The following UBE2E1 variants were observed in gnomAD, a reference collection of about 807,000 sequenced individuals.
The protein encoded by UBE2E1 is ubiquitin conjugating enzyme E2 E1, also known as ubiquitin-conjugating enzyme E2 E1.
UBE2E1 carries 6 observed loss-of-function variants against 21.4 expected under a neutral mutation model. That is an observed-to-expected ratio of 0.28 (90% CI 0.15 to 0.55). UBE2E1 has a LOEUF of 0.55. Among genes scored for constraint, UBE2E1 ranks in the 20% least tolerant of loss-of-function variants. UBE2E1 has a pLI of 0.93. For missense variants in UBE2E1, 142 were observed against 236.5 expected (o/e 0.60, Z 2.62); for synonymous variants, 87 against 82.7 (o/e 1.05, Z -0.28).
rs145101044 is a variant in UBE2E1 at position 23,853,899 on chromosome 3, G to C, written c.204-33668G>C. 7.4e-3 allele frequency among the ~76,000 whole-genome samples: 1,121 copies of C among 152,238 alleles called. 15 individuals carry two copies. Among genetic ancestry groups the C allele is most frequent in the African/African-American group, 0.025 (1,046 of 41,536 alleles). On this transcript the variant is annotated intron_variant, in intron 3 of 5. Coordinates refer to ENST00000306627, the MANE Select transcript of UBE2E1 (RefSeq NM_003341.5). The surrounding 1 kb of genome is among the most constrained non-coding windows in gnomAD (Gnocchi z 4.1). ...TTATAATAATTCGTTTTATCCACAT[G>C]GTTCAAGTGGGTCTTTTTTTACCCT... is the stretch of plus-strand genomic sequence containing the variant.
In UBE2E1 at chr3:23,807,375, G is replaced by C. The variant is rs1469644993; in HGVS notation, c.106G>C (p.Val36Leu). 1.2e-6 allele frequency: 2 copies of C among 1,613,742 alleles called. No homozygotes were observed. The highest frequency in any genetic ancestry group is 4.5e-5 in the East Asian group (2 of 44,852). ...CACCCCCAAGAAGAAGGAGAGTAAA[G>C]TCAGCATGAGCAAAAACTCCAAACT... is the stretch of plus-strand genomic sequence containing the variant. ...TNTPKKKESKVSMSKNSKLLS... is the reference protein window; with the variant it reads ...TNTPKKKESKLSMSKNSKLLS... Residue 36 changes from valine to leucine, a missense_variant, in exon 2 of 6, where the codon GTC (valine) becomes CTC (leucine). This residue lies in a region of UBE2E1 where 55 missense variants were observed against 51.5 expected (regional missense o/e 1.07). Transcript: ENST00000306627.
chr3:23,837,961 T>C (rs540068855), intron 3 of UBE2E1, among the ~76,000 whole-genome samples: 1 of 152,348 alleles, frequency 6.6e-6, no homozygotes, highest in East Asian at 1.9e-4. Flanking sequence ...TTGATACTTT[T>C]AAGGCTCTGC....
intron 3 of UBE2E1, among the ~76,000 whole-genome samples, chr3:23,865,120 C>G (rs1700627326): frequency 6.6e-6 from 1 of 152,238 alleles, no homozygotes; most frequent in African/African-American, 2.4e-5. Flanking sequence ...GCTGAGCCCT[C>G]TGCTCAGGGT....
intron 4 of UBE2E1, among the ~76,000 whole-genome samples, chr3:23,888,545 C>T (rs184284454): frequency 4.7e-4 from 72 of 152,236 alleles, no homozygotes; most frequent in African/African-American, 1.6e-3. Flanking sequence ...GCTCTGCATC[C>T]ATGGACACTC....
At chr3:23,819,547 T>A (rs1699601333) in intron 3 of UBE2E1, among the ~76,000 whole-genome samples, 1 of 152,176 alleles carries the variant, frequency 6.6e-6, no homozygotes, top group Non-Finnish European at 1.5e-5. Flanking sequence ...CAGCAGACTT[T>A]AAGTTCCTCG....
chr3:23,853,607 A>T lies in UBE2E1; in HGVS notation c.204-33960A>T, dbSNP rs188523509. Among the ~76,000 whole-genome samples the T allele has an allele frequency of 1.3e-5, 2 of 152,188 alleles. No individual in the cohort carries two copies. Among genetic ancestry groups the T allele is most frequent in the Non-Finnish European group, 2.9e-5 (2 of 68,012 alleles). ...TTAGGTCTCTTCATTTCTGTTCACA[A>T]TTCAGTCTTTAAATGCATATAGGAG... On this transcript the variant is annotated intron_variant, in intron 3 of 5. Transcript: ENST00000306627. The surrounding 1 kb of genome is among the most constrained non-coding windows in gnomAD (Gnocchi z 4.1).
rs956993181 is a variant in UBE2E1, at chr3:23,842,888, G to A, written c.203+31378G>A. On this transcript the variant is annotated intron_variant, in intron 3 of 5. Transcript: ENST00000306627. This position sits in a 1 kb window ranked among gnomAD's most constrained non-coding sequence, Gnocchi z 4.6. ...TGTAATCTAACTATAACCTCTGAGG[G>A]CAAGGGCTTGTTTTATTTGAATAAA... Among the ~76,000 whole-genome samples the A allele has an allele frequency of 1.3e-5, 2 of 151,984 alleles. No homozygotes were observed. The highest frequency in any genetic ancestry group is 4.8e-5 in the African/African-American group (2 of 41,364).
chr3:23,837,554 GT>G (rs1259884806), intron 3 of UBE2E1, among the ~76,000 whole-genome samples: 11 of 152,186 alleles, frequency 7.2e-5, no homozygotes, highest in Admixed American at 6.5e-4. Flanking sequence ...CTTGCTATGT[GT>G]TTTTATTTTT....
In UBE2E1 at chr3:23,882,564, G is replaced by C. The variant is rs556198749; in HGVS notation, c.204-5003G>C. Among the ~76,000 whole-genome samples, 47 of 152,252 alleles carry C rather than the reference G, an allele frequency of 3.1e-4. 1 individual carries two copies. Among genetic ancestry groups the C allele is most frequent in the Admixed American group, 5.9e-4 (9 of 15,284 alleles). On this transcript the variant is annotated intron_variant, in intron 3 of 5. Transcript: ENST00000306627. ...CAACCCTTGGGCAGGCGATGGGACC[G>C]GGAGCCGCGGAGCAGGGGGTGGTCC...
intron 3 of UBE2E1, among the ~76,000 whole-genome samples, chr3:23,869,558 A>C (rs1700736235): frequency 6.6e-6 from 1 of 151,550 alleles, no homozygotes; most frequent in African/African-American, 2.4e-5. Flanking sequence ...CCAGGTACAA[A>C]GAACAAAGGG....
intron 3 of UBE2E1, among the ~76,000 whole-genome samples, chr3:23,858,095 C>A (rs2125311792): frequency 6.6e-6 from 1 of 152,256 alleles, no homozygotes; most frequent in East Asian, 1.9e-4. Flanking sequence ...AGGTACTGAG[C>A]TAGTTAAACC....
In UBE2E1 at chr3:23,870,779, C is replaced by G. The variant is rs1473967259; in HGVS notation, c.204-16788C>G. Among the ~76,000 whole-genome samples the G allele has an allele frequency of 6.6e-6, 1 of 151,846 alleles. No homozygotes were observed. The highest frequency in any genetic ancestry group is 1.9e-4 in the East Asian group (1 of 5,184). ...AGTGGAGGGAAGGTCAGCAGATAAA[C>G]AAGTGAACAAAGGTCTCTGGTTTTC... On this transcript the variant is annotated intron_variant, in intron 3 of 5. Transcript: ENST00000306627. This position sits in a 1 kb window ranked among gnomAD's most constrained non-coding sequence, Gnocchi z 4.2.
At chr3:23,847,261 T>C (rs968500660) in intron 3 of UBE2E1, among the ~76,000 whole-genome samples, 1 of 152,084 alleles carries the variant, frequency 6.6e-6, no homozygotes, top group Non-Finnish European at 1.5e-5. Flanking sequence ...ATATAAAGGG[T>C]AGATAAGTCT....
intron 3 of UBE2E1, among the ~76,000 whole-genome samples, chr3:23,882,645 C>A (rs529488201): frequency 4.6e-5 from 7 of 151,842 alleles, no homozygotes; most frequent in Non-Finnish European, 8.8e-5. Flanking sequence ...AGGGGAGGCT[C>A]GGGCCTGGCA....
intron 3 of UBE2E1, among the ~76,000 whole-genome samples, chr3:23,837,609 A>G (rs990262554): frequency 2.0e-5 from 3 of 152,208 alleles, no homozygotes; most frequent in African/African-American, 4.8e-5. Context: ...GATTTGTGAT[A>G]TATTATGTGA....
At chr3:23,844,123 C>T (rs1482151144) in intron 3 of UBE2E1, among the ~76,000 whole-genome samples, 4 of 152,068 alleles carry the variant, frequency 2.6e-5, no homozygotes, top group Admixed American at 1.3e-4. Flanking sequence ...GTCTCTAAGG[C>T]GCAGGCTACA....
intron 3 of UBE2E1, among the ~76,000 whole-genome samples, chr3:23,872,389 G>A (rs923335461): frequency 3.3e-5 from 5 of 152,032 alleles, no homozygotes; most frequent in African/African-American, 1.2e-4. Context: ...AGGGGGAGAG[G>A]GAGAGGGAGA....
chr3:23,884,698 T>C (rs1671575531), intron 3 of UBE2E1, among the ~76,000 whole-genome samples: 1 of 152,204 alleles, frequency 6.6e-6, no homozygotes, highest in Non-Finnish European at 1.5e-5. Flanking sequence ...GTTGGTTTCT[T>C]AGCACTACCA....
chr3:23,862,475 G>A (rs182348169), intron 3 of UBE2E1, among the ~76,000 whole-genome samples: 1 of 152,160 alleles, frequency 6.6e-6, no homozygotes, highest in African/African-American at 2.4e-5. Flanking sequence ...CATTTTTTTA[G>A]TTTGTATTGT....
Sources: allele counts gnomAD v4.1 joint callset (sites outside exome capture counted in the v4.1 genomes callset), GRCh38; gene constraint gnomAD v4.1.1; regional missense constraint gnomAD v4.1.1; non-coding constraint Gnocchi (gnomAD v3.1); transcripts MANE v1.5; gene names NCBI Gene and HGNC (gene_info 2026-07-23, HGNC 2026-07-21).